Variants in AP3S1 observed in about 807,000 individuals in gnomAD.
AP3S1 encodes adaptor related protein complex 3 subunit sigma 1, also known as AP-3 complex subunit sigma-1.
A neutral mutation model predicts 21.3 loss-of-function variants in AP3S1; 12 were observed. That is an observed-to-expected ratio of 0.56 (90% confidence interval 0.36 to 0.91). The LOEUF is 0.91. AP3S1 is among the 40% of genes least tolerant of loss of function. The pLI, the probability that AP3S1 is intolerant of heterozygous loss-of-function variation, is 0.01. For synonymous variants in AP3S1, 48 were observed against 78.4 expected (o/e 0.61, Z 2.05); for missense variants, 116 against 225.0 (o/e 0.52, Z 3.10).
At chr5:115,845,231 A>G (rs1761969065) in intron 1 of AP3S1, among the ~76,000 whole-genome samples, 1 of 152,200 alleles carries the variant, frequency 6.6e-6, no homozygotes, top group Non-Finnish European at 1.5e-5. Context: ...ACAATTCCAT[A>G]TACTGGCAGG....
At chr5:115,853,472 A>G (rs1035992178) in intron 1 of AP3S1, among the ~76,000 whole-genome samples, 5 of 152,216 alleles carry the variant, frequency 3.3e-5, no homozygotes, top group African/African-American at 1.2e-4. Context: ...GAATTTTGAT[A>G]TCATCTAGTT....
At chr5:115,886,594 A>C (rs943651863) in intron 3 of AP3S1, among the ~76,000 whole-genome samples, 1 of 152,148 alleles carries the variant, frequency 6.6e-6, no homozygotes, top group African/African-American at 2.4e-5. Flanking sequence ...TCGACTGTTT[A>C]TGTTATCGGT....
At chr5:115,894,771 T>A (rs1322903041) in intron 3 of AP3S1, among the ~76,000 whole-genome samples, 2 of 152,210 alleles carry the variant, frequency 1.3e-5, no homozygotes, top group Admixed American at 6.5e-5. Context: ...TTCTTCCCCC[T>A]CACATTAAAA....
chr5:115,888,369 G>A (rs1470705244), intron 3 of AP3S1, among the ~76,000 whole-genome samples: 2 of 151,824 alleles, frequency 1.3e-5, no homozygotes, highest in Admixed American at 6.6e-5. Flanking sequence ...CAGATTGTCA[G>A]TTATTTGTTT....
chr5:115,908,831 G>A (rs936437666), intron 5 of AP3S1: 8 of 229,988 alleles, frequency 3.5e-5, no homozygotes, highest in African/African-American at 4.7e-5. Context: ...ATTCTACCTC[G>A]TGTTGAGGGA....
intron 1 of AP3S1, among the ~76,000 whole-genome samples, chr5:115,855,358 C>G (rs1762729847): frequency 6.6e-6 from 1 of 151,392 alleles, no homozygotes; most frequent in Non-Finnish European, 1.5e-5. Flanking sequence ...TATTTTTATT[C>G]AACCAGGGCC....
rs542244139 is a variant in AP3S1 at position 115,895,209 on chromosome 5, T to C, written c.345+51T>C. ...GCTTTTTAAGAAAAACATTAACTTATAATTGTCATAGCAAAAATGGCTTTA... is the reference window on the plus strand; with the variant it reads ...GCTTTTTAAGAAAAACATTAACTTACAATTGTCATAGCAAAAATGGCTTTA... On this transcript the variant is annotated intron_variant, in intron 4 of 5. Transcript: ENST00000316788. 39 of 1,249,914 alleles carry C rather than the reference T, an allele frequency of 3.1e-5. 1 individual carries two copies. The East Asian group carries it at 5.8e-4, about 19-fold the overall frequency. The allele number at this position is 1,249,914 out of a possible 1,614,324, so 77.4% of individuals were successfully genotyped here.
chr5:115,879,901 C>T (rs1749118936), intron 3 of AP3S1, among the ~76,000 whole-genome samples: 1 of 152,128 alleles, frequency 6.6e-6, no homozygotes, highest in African/African-American at 2.4e-5. Flanking sequence ...TGGTCTGGTT[C>T]AGAGATTCGA....
chr5:115,867,896 G>A (rs1193536887), intron 2 of AP3S1, among the ~76,000 whole-genome samples: 3 of 152,176 alleles, frequency 2.0e-5, no homozygotes, highest in African/African-American at 4.8e-5. Context: ...GCTGGAAATT[G>A]TGATTGTTCT....
chr5:115,868,944 A>AGGGAGGGAGGGAGGGAG (rs1561490532), intron 2 of AP3S1, among the ~76,000 whole-genome samples: 1 of 43,948 alleles, frequency 2.3e-5, no homozygotes, highest in Non-Finnish European at 4.0e-5. Flanking sequence ...GAGGGAAGGA[A>AGGGAGGGAGGGAGGGAG]GGAAGGAAGG....
chr5:115,907,702 C>T (rs963215852), intron 5 of AP3S1, among the ~76,000 whole-genome samples: 3 of 152,026 alleles, frequency 2.0e-5, no homozygotes, highest in African/African-American at 7.2e-5. Flanking sequence ...TTTTGCAAAG[C>T]GTATTGGCAA....
chr5:115,847,633 AT>A (rs1762156463), intron 1 of AP3S1, among the ~76,000 whole-genome samples: 3 of 152,334 alleles, frequency 2.0e-5, no homozygotes, highest in South Asian at 2.1e-4. Flanking sequence ...ATTTAAAAAA[AT>A]ATATGTTTTT....
intron 1 of AP3S1, among the ~76,000 whole-genome samples, chr5:115,844,072 A>T (rs980601883): frequency 1.3e-5 from 2 of 152,208 alleles, no homozygotes; most frequent in African/African-American, 2.4e-5. Context: ...AAGTTTCTAT[A>T]AGTTGGGTTT....
intron 2 of AP3S1, among the ~76,000 whole-genome samples, chr5:115,868,509 AG>A (rs1307836075): frequency 1.3e-5 from 2 of 152,188 alleles, no homozygotes; most frequent in Admixed American, 1.3e-4. Flanking sequence ...TTTTGCTATT[AG>A]AAGACATAGA....
At chr5:115,888,015 A>G (rs1456614625) in intron 3 of AP3S1, among the ~76,000 whole-genome samples, 1 of 152,148 alleles carries the variant, frequency 6.6e-6, no homozygotes, top group African/African-American at 2.4e-5. Context: ...GGTAATTAAA[A>G]TGCAGGACAA....
intron 4 of AP3S1, among the ~76,000 whole-genome samples, chr5:115,901,373 T>C (rs1002589217): frequency 6.6e-6 from 1 of 151,216 alleles, no homozygotes; most frequent in African/African-American, 2.4e-5. Flanking sequence ...GTATGAACTT[T>C]TAGTCATTTG....
At position 115,913,223 on chromosome 5, in the gene AP3S1, A is replaced by G. The variant is rs1752238835; in HGVS notation, c.454-139A>G. Reference sequence around the variant, plus strand: ...ATTAGTATTTCAAAGTAACCATTCCATACCAATTCAAACTACCATCTGGTC... The same window carrying G: ...ATTAGTATTTCAAAGTAACCATTCCGTACCAATTCAAACTACCATCTGGTC... On this transcript the variant is annotated intron_variant, in intron 5 of 5. Transcript: ENST00000316788. 3.9e-6 allele frequency: 3 copies of G among 766,742 alleles called. No individual in the cohort carries two copies. In the Admixed American group the frequency reaches 1.1e-4, roughly 28 times the overall value. 47.5% of individuals were successfully genotyped at this position (766,742 alleles called of 1,614,324 possible).
At chr5:115,911,334 AACACAC>A (rs375213578) in intron 5 of AP3S1, among the ~76,000 whole-genome samples, 3 of 150,674 alleles carry the variant, frequency 2.0e-5, no homozygotes, top group African/African-American at 7.3e-5. Flanking sequence ...TACACAGATA[AACACAC>A]ACACACACAC....
intron 5 of AP3S1, among the ~76,000 whole-genome samples, chr5:115,912,364 GA>G (rs1471808581): frequency 4.6e-5 from 7 of 151,892 alleles, no homozygotes; most frequent in Non-Finnish European, 5.9e-5. Flanking sequence ...TATATAGCCT[GA>G]ATAAAAAGTA....
Sources: gnomAD v4.1 joint callset for allele counts (sites outside exome capture counted in the v4.1 genomes callset) on GRCh38, gnomAD v4.1.1 for gene constraint, MANE v1.5 for transcripts, NCBI Gene and HGNC (gene_info 2026-07-23, HGNC 2026-07-21) for gene names.